Variants in DAGLB observed in about 807,000 individuals in gnomAD.
DAGLB encodes the protein diacylglycerol lipase beta.
Under a neutral mutation model 72.1 loss-of-function variants are expected in DAGLB, and 66 were observed. That is an observed-to-expected ratio of 0.92 (90% confidence interval 0.75 to 1.12). The LOEUF is 1.12. Ranked by LOEUF, DAGLB falls within the 50% of genes most tolerant of loss-of-function variation. The probability of loss-of-function intolerance (pLI) is 0.00; values close to 1 mark genes in which losing one functional copy is unlikely to be tolerated. For synonymous variants in DAGLB, 414 were observed against 359.5 expected, an observed-to-expected ratio of 1.15 and a Z score of -1.71; for missense variants, 1,065 against 884.9, an observed-to-expected ratio of 1.20 and a Z score of -2.58.
At chr7:6,445,852 T>C (rs1023214462) in intron 2 of DAGLB, 101 bp downstream of exon 2, 37 of 1,304,498 alleles carry the variant, frequency 2.8e-5, no homozygotes, top group Middle Eastern at 2.0e-4. Context: ...TTAAAAACTG[T>C]TGAATTGGAA....
chr7:6,433,066 C>G, intron 4 of DAGLB, 107 bp from the exon 5 acceptor site: 2 of 1,452,330 alleles, frequency 1.4e-6, no homozygotes, highest in Non-Finnish European at 1.8e-6. Context: ...CACACACAGA[C>G]ATTTCTAGAC....
chr7:6,420,370 G>A (rs1452634416), intron 9 of DAGLB, among the ~76,000 whole-genome samples: 3 of 151,516 alleles, frequency 2.0e-5, no homozygotes, highest in Admixed American at 1.3e-4. Flanking sequence ...AACCTGGGAG[G>A]CAGAGGTTGC....
At chr7:6,437,563 C>G (rs1784705227) in intron 2 of DAGLB, among the ~76,000 whole-genome samples, 1 of 152,132 alleles carries the variant, frequency 6.6e-6, no homozygotes, top group African/African-American at 2.4e-5. Context: ...TCTCTGGTAG[C>G]TAGGACTACA....
intron 4 of DAGLB, 103 bp from the exon 5 acceptor site, chr7:6,433,062 C>T: frequency 6.8e-7 from 1 of 1,479,504 alleles, no homozygotes; most frequent in South Asian, 1.4e-5. Context: ...CACGCACACA[C>T]AGACATTTCT....
intron 6 of DAGLB, among the ~76,000 whole-genome samples, chr7:6,429,361 TGAAAG>T (rs1205683325): frequency 6.6e-6 from 1 of 151,646 alleles, no homozygotes; most frequent in African/African-American, 2.4e-5. Context: ...GTCAATATCA[TGAAAG>T]GAAAGAACGG....
At chr7:6,446,460 G>C (rs1277074551) in intron 1 of DAGLB, among the ~76,000 whole-genome samples, 1 of 99,250 alleles carries the variant, frequency 1.0e-5, no homozygotes, top group Non-Finnish European at 1.8e-5. Flanking sequence ...CCTGGGCAAC[G>C]ATATGAGACT....
At chr7:6,423,334 C>T (rs1409165004) in intron 8 of DAGLB, among the ~76,000 whole-genome samples, 1 of 152,050 alleles carries the variant, frequency 6.6e-6, no homozygotes, top group South Asian at 2.1e-4. Context: ...GGGCCAAAAG[C>T]GGGGCCATGG....
intron 4 of DAGLB, among the ~76,000 whole-genome samples, chr7:6,433,609 G>A (rs765709306): frequency 7.9e-5 from 12 of 152,318 alleles, no homozygotes; most frequent in Non-Finnish European, 1.0e-4. Context: ...GGAGGCCGAG[G>A]TGGGCGGATC....
chr7:6,421,095 G>T (rs1018963848), intron 9 of DAGLB, among the ~76,000 whole-genome samples: 6 of 152,204 alleles, frequency 3.9e-5, no homozygotes, highest in African/African-American at 1.4e-4. Flanking sequence ...TTGAGCCCAG[G>T]AGGTCAAGAC....
intron 11 of DAGLB, 21 bp downstream of exon 11, chr7:6,416,606 A>T: frequency 6.3e-7 from 1 of 1,577,694 alleles, no homozygotes; most frequent in South Asian, 1.1e-5. Context: ...AAGCTGTTAG[A>T]GCAGGAAAAC....
intron 8 of DAGLB, among the ~76,000 whole-genome samples, chr7:6,424,397 C>T (rs114981293): frequency 0.02 from 3,059 of 152,138 alleles, 111 homozygotes; most frequent in African/African-American, 0.07. Context: ...GACTCACTGC[C>T]GCCATCTGGC....
At chr7:6,444,372 C>T (rs1784930719) in intron 2 of DAGLB, among the ~76,000 whole-genome samples, 3 of 152,268 alleles carry the variant, frequency 2.0e-5, no homozygotes, top group East Asian at 1.9e-4. Context: ...GAGGTCGAAG[C>T]GGGTGGATCA....
At chr7:6,437,128 T>G in intron 2 of DAGLB, among the ~76,000 whole-genome samples, 2 of 147,392 alleles carry the variant, frequency 1.4e-5, no homozygotes, top group Non-Finnish European at 3.0e-5. Flanking sequence ...CACTCTAGTC[T>G]GGGTGACAGA....
chr7:6,432,855 A>G lies in DAGLB; in HGVS notation c.783T>C (p.His261=). ...NNQEPAQVVC[H]APGSSQEADL... ...GGCTCACCTGGGAGCTCCCTGGGGC[A>G]TGGCAGACCACCTGGGCAGGCTCTT... Residue 261 remains histidine, a synonymous_variant, in exon 5 of 15, where the codon CAT becomes CAC. Coordinates refer to ENST00000297056, the MANE Select transcript of DAGLB (RefSeq NM_139179.4). 4.3e-6 allele frequency: 7 copies of G among 1,613,862 alleles called. No individual in the cohort carries two copies. The highest frequency in any genetic ancestry group is 5.9e-6 in the Non-Finnish European group (7 of 1,179,992).
Position 6,421,772 on chromosome 7 carries a change from C to G in DAGLB, c.1173G>C (p.Glu391Asp). Residue 391 changes from glutamate to aspartate, a missense_variant, in exon 9 of 15, where the codon GAG becomes GAC. Glu to Asp is a conservative substitution (Grantham distance 45). Transcript: ENST00000297056. ...GCACCTCACACTCCACGTCCAGCAC[C>G]TCACTCTCCGCTGACAGGTCCGTAA... ...DVLTDLSAES[E>D]VLDVECEVQD... 6.2e-7 allele frequency: 1 copy of G among 1,613,410 alleles called. No individual in the cohort carries two copies. Among genetic ancestry groups the G allele is most frequent in the Admixed American group, 1.7e-5 (1 of 60,012 alleles).
chr7:6,416,574 G>C (rs778575026), intron 11 of DAGLB, 53 bp downstream of exon 11: 3 of 1,544,976 alleles, frequency 1.9e-6, no homozygotes, highest in East Asian at 4.5e-5. Context: ...GATGAGTCTT[G>C]ACCACATGAC....
intron 5 of DAGLB, among the ~76,000 whole-genome samples, chr7:6,431,634 T>C (rs948120537): frequency 2.0e-5 from 3 of 151,960 alleles, no homozygotes; most frequent in Non-Finnish European, 4.4e-5. Flanking sequence ...TAGCTGGGCA[T>C]GGTGGTGCAC....
At chr7:6,419,174 A>G (rs916512884) in intron 9 of DAGLB, among the ~76,000 whole-genome samples, 6 of 138,622 alleles carry the variant, frequency 4.3e-5, no homozygotes, top group African/African-American at 1.7e-4. Flanking sequence ...GGCACTCACC[A>G]CCACACCCGG....
intron 8 of DAGLB, chr7:6,422,782 G>C (rs836517): frequency 6.6e-6 from 1 of 152,064 alleles, no homozygotes; most frequent in Non-Finnish European, 1.5e-5. Context: ...ACTATGCTCA[G>C]TACCTGGGAG....
Sources: gnomAD v4.1 joint callset for allele counts (sites outside exome capture counted in the v4.1 genomes callset) on GRCh38, gnomAD v4.1.1 for gene constraint, MANE v1.5 for transcripts, NCBI Gene and HGNC (gene_info 2026-07-23, HGNC 2026-07-21) for gene names.